Variants in LRRC4C observed in about 807,000 individuals in gnomAD.
LRRC4C encodes leucine rich repeat containing 4C.
LRRC4C carries 5 observed loss-of-function variants against 33.6 expected under a neutral mutation model. The ratio of observed to expected loss-of-function variants is 0.15; its 90% CI spans 0.08 to 0.31. The LOEUF is 0.31. Ranked by LOEUF, LRRC4C falls within the 10% of genes least tolerant of loss-of-function variation. The pLI, the probability that LRRC4C is intolerant of heterozygous loss-of-function variation, is 1.00. For synonymous variants in LRRC4C, 329 were observed against 302.0 expected (o/e 1.09, Z -0.93); for missense variants, 560 against 796.7 (o/e 0.70, Z 3.58).
rs1374665097 is a variant in LRRC4C, at chr11:41,049,476, T to C, written c.-495-115753A>G. Among the ~76,000 whole-genome samples the C allele has an allele frequency of 2.6e-5, 4 of 152,190 alleles. No homozygotes were observed. In the East Asian group the frequency reaches 7.7e-4, roughly 29 times the overall value. On this transcript the variant is annotated intron_variant, in intron 1 of 6. Coordinates refer to ENST00000528697, the MANE Select transcript of LRRC4C (RefSeq NM_001258419.2). ...GAAGTTGTGAGAAACCCAGAGTAAA[T>C]TGAGATTTTTGAAAAGTTAATTTCA...
At chr11:40,204,455 G>A (rs1316513551) in intron 5 of LRRC4C, among the ~76,000 whole-genome samples, 1 of 152,030 alleles carries the variant, frequency 6.6e-6, no homozygotes, top group African/African-American at 2.4e-5. Context: ...CCTTTGACAT[G>A]TAAATCTTTT....
intron 3 of LRRC4C, among the ~76,000 whole-genome samples, chr11:40,429,500 A>T (rs548815798): frequency 6.6e-6 from 1 of 152,144 alleles, no homozygotes; most frequent in East Asian, 1.9e-4. Context: ...GAACTCCTAG[A>T]CTAGTGTTCA....
chr11:40,737,576 T>TA (rs139681677), intron 2 of LRRC4C, among the ~76,000 whole-genome samples: 58,617 of 150,148 alleles, frequency 0.39, 11,957 homozygotes, highest in Middle Eastern at 0.48. Context: ...ACACCAATAA[T>TA]AAAAAAAAAC....
intron 3 of LRRC4C, among the ~76,000 whole-genome samples, chr11:40,405,032 C>T (rs924208394): frequency 1.3e-5 from 2 of 151,990 alleles, no homozygotes; most frequent in African/African-American, 2.4e-5. Context: ...TTAGATCTTT[C>T]GACTTGTTCA....
chr11:40,203,831 T>A (rs1161400952), intron 5 of LRRC4C, among the ~76,000 whole-genome samples: 1 of 152,218 alleles, frequency 6.6e-6, no homozygotes, highest in Non-Finnish European at 1.5e-5. Flanking sequence ...TCTAAATGAA[T>A]GGAATTCCTT....
chr11:40,825,659 T>G, intron 2 of LRRC4C, among the ~76,000 whole-genome samples: 1 of 151,972 alleles, frequency 6.6e-6, no homozygotes, highest in Non-Finnish European at 1.5e-5. Context: ...TGGCCTTCAT[T>G]TTTCCCACCT....
chr11:40,559,223 C>T (rs529178227), intron 3 of LRRC4C, among the ~76,000 whole-genome samples: 1 of 149,220 alleles, frequency 6.7e-6, no homozygotes, highest in African/African-American at 2.5e-5. Flanking sequence ...CTCACTCTGC[C>T]ACCCAGGTTG....
At chr11:40,870,946 G>A (rs573835801) in intron 2 of LRRC4C, among the ~76,000 whole-genome samples, 1 of 152,262 alleles carries the variant, frequency 6.6e-6, no homozygotes, top group Non-Finnish European at 1.5e-5. Flanking sequence ...TTCTCAGCAA[G>A]GAACATCCCT....
In LRRC4C at chr11:40,811,981, T is replaced by G. The variant is rs570733129; in HGVS notation, c.-407+121654A>C. On this transcript the variant is annotated intron_variant, in intron 2 of 6. Coordinates refer to ENST00000528697, the MANE Select transcript of LRRC4C (RefSeq NM_001258419.2). ...CCTTTCAGAATGCAGCCATTATTAT[T>G]AATGAGACTTAGTTTAATTCCAACC... is the stretch of plus-strand genomic sequence containing the variant. Among the ~76,000 whole-genome samples, 4 of 152,336 alleles carry G rather than the reference T, an allele frequency of 2.6e-5. No homozygotes were observed. The South Asian group carries it at 8.3e-4, about 32-fold the overall frequency.
At chr11:40,908,651 G>A (rs1287112618) in intron 2 of LRRC4C, among the ~76,000 whole-genome samples, 1 of 152,138 alleles carries the variant, frequency 6.6e-6, no homozygotes, top group African/African-American at 2.4e-5. Flanking sequence ...CCAAAATGAA[G>A]AAGTGCTCTT....
intron 3 of LRRC4C, among the ~76,000 whole-genome samples, chr11:40,533,882 C>T (rs1956368634): frequency 6.6e-6 from 1 of 152,078 alleles, no homozygotes; most frequent in Admixed American, 6.6e-5. Flanking sequence ...GACTCTCCTC[C>T]TTCAACTGCA....
At chr11:41,379,366 A>G (rs1222630608) in intron 1 of LRRC4C, among the ~76,000 whole-genome samples, 2 of 152,120 alleles carry the variant, frequency 1.3e-5, no homozygotes, top group Non-Finnish European at 2.9e-5. Flanking sequence ...TGTTAGTACA[A>G]TCACAGAGTG....
At chr11:41,099,172 C>T (rs910759288) in intron 1 of LRRC4C, among the ~76,000 whole-genome samples, 1 of 151,910 alleles carries the variant, frequency 6.6e-6, no homozygotes, top group Non-Finnish European at 1.5e-5. Context: ...ATAATGAGCT[C>T]TGAAATTAAA....
intron 4 of LRRC4C, among the ~76,000 whole-genome samples, chr11:40,314,181 A>G (rs999575909): frequency 6.6e-6 from 1 of 152,066 alleles, no homozygotes; most frequent in African/African-American, 2.4e-5. Context: ...TAAATAAAAA[A>G]CAGAAGACAA....
intron 2 of LRRC4C, among the ~76,000 whole-genome samples, chr11:40,901,351 A>C (rs919601630): frequency 1.3e-5 from 2 of 152,110 alleles, no homozygotes; most frequent in African/African-American, 4.8e-5. Context: ...GTGAAATACC[A>C]GGGCCATGTA....
intron 2 of LRRC4C, among the ~76,000 whole-genome samples, chr11:40,889,244 AG>A (rs1212685831): frequency 1.4e-4 from 22 of 152,132 alleles, no homozygotes; most frequent in African/African-American, 5.3e-4. Context: ...GTTTTGTGAA[AG>A]CAAATTTCCT....
intron 1 of LRRC4C, among the ~76,000 whole-genome samples, chr11:41,354,333 C>G (rs562797102): frequency 6.6e-6 from 1 of 151,970 alleles, no homozygotes; most frequent in South Asian, 2.1e-4. Flanking sequence ...GAAATATCTC[C>G]ACAAGGAGAA....
At chr11:40,263,808 C>T (rs1221134022) in intron 4 of LRRC4C, among the ~76,000 whole-genome samples, 2 of 152,120 alleles carry the variant, frequency 1.3e-5, no homozygotes, top group South Asian at 2.1e-4. Context: ...ATTCTTTAAA[C>T]GAAGCTGCTC....
chr11:40,808,677 C>T (rs886493185), intron 2 of LRRC4C, among the ~76,000 whole-genome samples: 1 of 152,156 alleles, frequency 6.6e-6, no homozygotes, highest in Non-Finnish European at 1.5e-5. Flanking sequence ...AGACCCAGTA[C>T]CGCCGGTCAA....
Sources: allele counts gnomAD v4.1 joint callset (sites outside exome capture counted in the v4.1 genomes callset), GRCh38; gene constraint gnomAD v4.1.1; transcripts MANE v1.5; gene names NCBI Gene and HGNC (gene_info 2026-07-23, HGNC 2026-07-21).